Variants in HIPK3 observed in about 807,000 individuals in gnomAD.
HIPK3 encodes homeodomain-interacting protein kinase 3.
Under a neutral mutation model 124.2 loss-of-function variants are expected in HIPK3, and 47 were observed. The observed-to-expected ratio is 0.38, with a 90% confidence interval of 0.30 to 0.48. The LOEUF (loss-of-function observed/expected upper bound fraction) is 0.48. HIPK3 is among the 20% of genes least tolerant of loss of function. The pLI is 0.98. For synonymous variants in HIPK3, 482 were observed against 515.2 expected, an observed-to-expected ratio of 0.94 and a Z score of 0.87; for missense variants, 1,286 against 1,454.3, an observed-to-expected ratio of 0.88 and a Z score of 1.88.
intron 3 of HIPK3, among the ~76,000 whole-genome samples, chr11:33,331,462 C>G (rs535007504): frequency 6.6e-5 from 10 of 152,178 alleles, no homozygotes; most frequent in African/African-American, 1.4e-4. Context: ...CAGTCTTGAA[C>G]TACTGGGCTC....
intron 9 of HIPK3, 84 bp from the exon 10 acceptor site, chr11:33,347,545 T>C (rs919976765): frequency 1.9e-6 from 3 of 1,572,710 alleles, no homozygotes; most frequent in Admixed American, 1.8e-5. Context: ...GCTGTTACTT[T>C]TAGATAGTTT....
intron 2 of HIPK3, among the ~76,000 whole-genome samples, chr11:33,289,227 G>A (rs757105776): frequency 6.6e-6 from 1 of 151,946 alleles, no homozygotes; most frequent in Non-Finnish European, 1.5e-5. Context: ...ATCGCTTTAG[G>A]CCACGAGTTT....
chr11:33,326,245 C>T (rs1484483391), intron 2 of HIPK3, among the ~76,000 whole-genome samples: 2 of 152,180 alleles, frequency 1.3e-5, no homozygotes, highest in Non-Finnish European at 2.9e-5. Flanking sequence ...TGAAGCCACT[C>T]TTGATTCCTA....
intron 1 of HIPK3, chr11:33,258,546 C>CG (rs1252233093): frequency 2.0e-6 from 2 of 985,372 alleles, no homozygotes; most frequent in African/African-American, 3.5e-5. Flanking sequence ...GAAGGCGTGG[C>CG]GGCCGCGCGG....
At chr11:33,276,372 A>G (rs1477307278) in intron 1 of HIPK3, among the ~76,000 whole-genome samples, 2 of 152,186 alleles carry the variant, frequency 1.3e-5, no homozygotes, top group Non-Finnish European at 2.9e-5. Context: ...CTCTTCCTCA[A>G]TTTGGATTTG....
intron 8 of HIPK3, among the ~76,000 whole-genome samples, chr11:33,344,000 G>GT (rs1853421131): frequency 6.6e-6 from 1 of 152,102 alleles, no homozygotes; most frequent in South Asian, 2.1e-4. Context: ...ATGCTGTTGT[G>GT]TTTTTCAGTT....
At chr11:33,339,593 G>A in intron 6 of HIPK3, 59 bp downstream of exon 6, 2 of 1,197,916 alleles carry the variant, frequency 1.7e-6, no homozygotes, top group Admixed American at 4.4e-5. Context: ...TGTAGAAAAT[G>A]ACTGCATCAG....
Position 33,356,986 on chromosome 11 carries a change from C to T in HIPK3, c.*3418C>T, listed in dbSNP as rs1350275494. On this transcript the variant is annotated 3_prime_UTR_variant, in exon 17 of 17. Coordinates refer to ENST00000303296, the MANE Select transcript of HIPK3 (RefSeq NM_005734.5). ...ATAAGAATTTATGGTGTATTACTGT[C>T]GATTCACTTTGAATTAAAATATATA... 2 of 152,032 alleles carry T rather than the reference C, an allele frequency of 1.3e-5. No individual in the cohort carries two copies. The highest frequency in any genetic ancestry group is 1.9e-4 in the East Asian group (1 of 5,202). 9.4% of individuals were successfully genotyped at this position (152,032 alleles called of 1,614,324 possible).
chr11:33,290,827 C>T (rs1319960803), intron 2 of HIPK3, among the ~76,000 whole-genome samples: 1 of 151,920 alleles, frequency 6.6e-6, no homozygotes, highest in Non-Finnish European at 1.5e-5. Context: ...TTGCTAAATA[C>T]AGTTAGTAGT....
Position 33,348,653 on chromosome 11 carries a change from G to C in HIPK3, c.2501G>C (p.Arg834Thr). 6.2e-7 allele frequency: 1 copy of C among 1,614,190 alleles called. No individual in the cohort carries two copies. The highest frequency in any genetic ancestry group is 8.5e-7 in the Non-Finnish European group (1 of 1,180,036). Reference protein sequence around the residue: ...QDNQNSEGEARNCCETSIRQD... With the variant: ...QDNQNSEGEATNCCETSIRQD... ...AATCAGAACTCAGAAGGAGAGGCAA[G>C]AAATTGCTGTGAAACATCTATCAGA... is the stretch of plus-strand genomic sequence containing the variant. The change falls in exon 13 of 17, where the codon AGA becomes ACA. Residue 834 changes from arginine to threonine, a missense_variant. Physicochemically the swap from Arg to Thr is moderately conservative, Grantham distance 71. Transcript: ENST00000303296.
Position 33,342,671 on chromosome 11 carries a change from C to T in HIPK3, c.1897+985C>T, listed in dbSNP as rs1292114937. On this transcript the variant is annotated intron_variant, in intron 8 of 16. Transcript: ENST00000303296. ...GTTCAAGCAATTCTGCCTTAGCCTC[C>T]CGAGTAGCTGGGAAGCTGGGATTAC... Among the ~76,000 whole-genome samples the T allele has an allele frequency of 1.8e-4, 28 of 152,152 alleles. 1 individual carries two copies. Among genetic ancestry groups the T allele is most frequent in the Non-Finnish European group, 2.8e-4 (19 of 68,008 alleles).
In HIPK3 at chr11:33,270,279, C is replaced by G. The variant is rs143218313; in HGVS notation, c.-3+12390C>G. 5.9e-5 allele frequency among the ~76,000 whole-genome samples: 9 copies of G among 152,138 alleles called. No homozygotes were observed. In the East Asian group the frequency reaches 1.7e-3, roughly 29 times the overall value. On this transcript the variant is annotated intron_variant, in intron 1 of 16. Coordinates refer to ENST00000303296, the MANE Select transcript of HIPK3 (RefSeq NM_005734.5). ...ACAGGCGTGAGCCACCATGCCTGGC[C>G]TGCCTTTTGTTTATGTTTGAAACCT...
At chr11:33,258,299 T>G (rs532371794) in intron 1 of HIPK3, 3 of 985,098 alleles carry the variant, frequency 3.0e-6, no homozygotes, top group East Asian at 1.1e-4. Context: ...CCCTCCGCAG[T>G]CCTAGGCCGT....
intron 2 of HIPK3, among the ~76,000 whole-genome samples, chr11:33,301,619 TAAA>T (rs76292557): frequency 2.2e-5 from 2 of 91,128 alleles, no homozygotes; most frequent in African/African-American, 4.1e-5. Context: ...CCCATCTCTA[TAAA>T]AAAAAAAAAA....
chr11:33,315,309 C>T (rs1179503506), intron 2 of HIPK3, among the ~76,000 whole-genome samples: 1 of 152,224 alleles, frequency 6.6e-6, no homozygotes, highest in Non-Finnish European at 1.5e-5. Context: ...TCACTGCAAC[C>T]TTGGCCTCCG....
At chr11:33,334,904 A>G (rs1172226889) in intron 3 of HIPK3, among the ~76,000 whole-genome samples, 3 of 152,236 alleles carry the variant, frequency 2.0e-5, no homozygotes, top group African/African-American at 7.2e-5. Flanking sequence ...AGGTAGAATA[A>G]TCAGGAGGCT....
chr11:33,268,859 A>T (rs1851047698), intron 1 of HIPK3, among the ~76,000 whole-genome samples: 1 of 152,152 alleles, frequency 6.6e-6, no homozygotes, highest in Non-Finnish European at 1.5e-5. Context: ...ATGATTTTGC[A>T]TTAATTCTAT....
chr11:33,262,339 T>C (rs555321835), intron 1 of HIPK3, among the ~76,000 whole-genome samples: 17 of 152,218 alleles, frequency 1.1e-4, no homozygotes, highest in Non-Finnish European at 2.2e-4. Context: ...AGGACAAAGA[T>C]AGAATAGATA....
At chr11:33,313,064 ATG>A (rs1177430820) in intron 2 of HIPK3, among the ~76,000 whole-genome samples, 1 of 152,190 alleles carries the variant, frequency 6.6e-6, no homozygotes, top group East Asian at 1.9e-4. Flanking sequence ...TGGTAATAAT[ATG>A]TTTTCTAATA....
Sources: gnomAD v4.1 joint callset for allele counts (sites outside exome capture counted in the v4.1 genomes callset) on GRCh38, gnomAD v4.1.1 for gene constraint, MANE v1.5 for transcripts, NCBI Gene and HGNC (gene_info 2026-07-23, HGNC 2026-07-21) for gene names.